UBA6: variants seen among roughly 807,000 people sequenced by gnomAD.
UBA6 encodes ubiquitin like modifier activating enzyme 6, also known as ubiquitin-like modifier-activating enzyme 6.
UBA6 carries 87 observed loss-of-function variants against 148.3 expected under a neutral mutation model. That is an observed-to-expected ratio of 0.59 (90% CI 0.49 to 0.70). The LOEUF is 0.70. Ranked by LOEUF, UBA6 falls within the 30% of genes least tolerant of loss-of-function variation. The pLI, the probability that UBA6 is intolerant of heterozygous loss-of-function variation, is 0.00. For synonymous variants in UBA6, 376 were observed against 401.0 expected, an observed-to-expected ratio of 0.94 and a Z score of 0.75; for missense variants, 1,186 against 1,241.2, an observed-to-expected ratio of 0.96 and a Z score of 0.67.
At chr4:67,677,311 T>C (rs548216925) in intron 6 of UBA6, among the ~76,000 whole-genome samples, 3 of 152,272 alleles carry the variant, frequency 2.0e-5, no homozygotes, top group Middle Eastern at 3.4e-3. Context: ...AAACCCCAAC[T>C]GACATATTCA....
Position 67,668,624 on chromosome 4 carries a change from C to A in UBA6, c.720G>T (p.Glu240Asp). Residue 240 changes from glutamate (E) to aspartate (D), a missense_variant, in exon 9 of 33, where the codon GAG (glutamate) becomes GAT (aspartate). Physicochemically the swap from Glu to Asp is conservative, Grantham distance 45. Coordinates refer to ENST00000322244, the MANE Select transcript of UBA6 (RefSeq NM_018227.6). ...CTCGAAATGTTAGGAATTGTCCTGTCTCCAGTTTGTGAGGATGATTTTCAA... is the reference window on the plus strand; with the variant it reads ...CTCGAAATGTTAGGAATTGTCCTGTATCCAGTTTGTGAGGATGATTTTCAA... Reference protein sequence around the residue: ...TCLENHPHKLETGQFLTFREI... With the variant: ...TCLENHPHKLDTGQFLTFREI... The A allele has an allele frequency of 6.2e-7, 1 of 1,613,226 alleles. No individual in the cohort carries two copies. Among genetic ancestry groups the A allele is most frequent in the Non-Finnish European group, 8.5e-7 (1 of 1,179,346 alleles).
At position 67,630,504 on chromosome 4, in the gene UBA6, G is replaced by T; in HGVS notation, c.2290C>A (p.Leu764Ile). Residue 764 changes from leucine to isoleucine, a missense_variant, in exon 26 of 33, where the codon CTA (leucine) becomes ATA (isoleucine). Physicochemically the swap from Leu to Ile is conservative, Grantham distance 5. Coordinates refer to ENST00000322244, the MANE Select transcript of UBA6 (RefSeq NM_018227.6). ...GGAATACAATATACTGTAGCATATA[G>T]TTTTGCAGCATTCTGAAGGAAACTG... ...HLSFLQNAAK[L>I]YATVYCIPFA... The T allele has an allele frequency of 6.3e-7, 1 of 1,588,040 alleles. No individual in the cohort carries two copies.
At position 67,625,050 on chromosome 4, in the gene UBA6, T is replaced by C. The variant is rs781473862; in HGVS notation, c.2656A>G (p.Ile886Val). The change falls in exon 29 of 33, where the codon ATA becomes GTA. Residue 886 changes from isoleucine to valine, a missense_variant. Coordinates refer to ENST00000322244, the MANE Select transcript of UBA6 (RefSeq NM_018227.6). Reference sequence around the variant, plus strand: ...ATAGCAGGTATAATTTTACCAGCTATGCGCTTTGTTTTGAAACGGTCAGCT... The same window carrying C: ...ATAGCAGGTATAATTTTACCAGCTACGCGCTTTGTTTTGAAACGGTCAGCT... Reference protein sequence around the residue: ...EPADRFKTKRIAGKIIPAIAT... With the variant: ...EPADRFKTKRVAGKIIPAIAT... The C allele has an allele frequency of 2.5e-6, 4 of 1,613,132 alleles. No individual in the cohort carries two copies. The highest frequency in any genetic ancestry group is 3.4e-6 in the Non-Finnish European group (4 of 1,179,266).
At chr4:67,671,887 G>A (rs1730157668) in intron 7 of UBA6, among the ~76,000 whole-genome samples, 1 of 151,976 alleles carries the variant, frequency 6.6e-6, no homozygotes, top group African/African-American at 2.4e-5. Flanking sequence ...ACCTAATTAT[G>A]CTGGAGGTTT....
chr4:67,700,931 G>T, intron 1 of UBA6, 118 bp downstream of exon 1: 1 of 1,279,008 alleles, frequency 7.8e-7, no homozygotes, highest in Non-Finnish European at 1.1e-6. Context: ...CCCAGGGCCG[G>T]CTCTGCTCGG....
chr4:67,665,735 GA>G (rs1463926706), intron 9 of UBA6, among the ~76,000 whole-genome samples: 4 of 151,410 alleles, frequency 2.6e-5, no homozygotes, highest in African/African-American at 9.7e-5. Context: ...AATCAGTAAT[GA>G]AAAGATAAGA....
At chr4:67,622,031 G>A (rs1185611271) in intron 32 of UBA6, among the ~76,000 whole-genome samples, 1 of 152,120 alleles carries the variant, frequency 6.6e-6, no homozygotes, top group African/African-American at 2.4e-5. Context: ...CAAGCAGAGG[G>A]AACAACTAAA....
At chr4:67,637,516 T>C (rs994466380) in intron 19 of UBA6, among the ~76,000 whole-genome samples, 3 of 152,170 alleles carry the variant, frequency 2.0e-5, no homozygotes, top group Admixed American at 6.5e-5. Flanking sequence ...GGGGAAAAGA[T>C]AGAGAAATCA....
chr4:67,689,124 G>C (rs1323434657), intron 2 of UBA6, among the ~76,000 whole-genome samples: 1 of 152,054 alleles, frequency 6.6e-6, no homozygotes, highest in Non-Finnish European at 1.5e-5. Context: ...AATTCTATGA[G>C]ATATTCAACA....
intron 7 of UBA6, among the ~76,000 whole-genome samples, chr4:67,671,061 G>T (rs935798123): frequency 2.0e-5 from 3 of 152,054 alleles, no homozygotes; most frequent in East Asian, 1.9e-4. Flanking sequence ...GAAAAAAAAG[G>T]CTGAAAAACT....
chr4:67,681,613 G>A, intron 3 of UBA6, 22 bp from the exon 4 acceptor site: 1 of 1,563,824 alleles, frequency 6.4e-7, no homozygotes, highest in South Asian at 1.2e-5. Flanking sequence ...AAAGAAAAAG[G>A]AATAGCTCAA....
intron 18 of UBA6, among the ~76,000 whole-genome samples, chr4:67,640,473 T>A (rs2109912117): frequency 6.6e-6 from 1 of 152,310 alleles, no homozygotes; most frequent in Non-Finnish European, 1.5e-5. Context: ...TTGTTTTAAT[T>A]TTTTTAAAAC....
intron 13 of UBA6, among the ~76,000 whole-genome samples, chr4:67,649,612 A>T (rs1729505177): frequency 6.6e-6 from 1 of 152,180 alleles, no homozygotes; most frequent in Non-Finnish European, 1.5e-5. Flanking sequence ...GAACTATGAT[A>T]AAGGAAAATA....
At chr4:67,637,484 A>C (rs1031231810) in intron 19 of UBA6, among the ~76,000 whole-genome samples, 2 of 151,854 alleles carry the variant, frequency 1.3e-5, no homozygotes, top group African/African-American at 4.8e-5. Flanking sequence ...GCGGTTTTGT[A>C]GAATAGAAAA....
At chr4:67,657,097 C>T (rs1344373950) in intron 13 of UBA6, among the ~76,000 whole-genome samples, 2 of 152,224 alleles carry the variant, frequency 1.3e-5, no homozygotes, top group East Asian at 3.9e-4. Flanking sequence ...ATTAAAACGC[C>T]CATACTGCCC....
At chr4:67,632,353 A>G (rs1342959971) in intron 23 of UBA6, among the ~76,000 whole-genome samples, 1 of 152,230 alleles carries the variant, frequency 6.6e-6, no homozygotes, top group African/African-American at 2.4e-5. Flanking sequence ...GGTAAGAATG[A>G]ACGGGAATGG....
chr4:67,675,538 C>A (rs1235251246), intron 6 of UBA6, among the ~76,000 whole-genome samples: 1 of 152,138 alleles, frequency 6.6e-6, no homozygotes, highest in Non-Finnish European at 1.5e-5. Flanking sequence ...CGAGACCAGC[C>A]TGGCCAACAT....
chr4:67,631,416 T>A (rs930708556), intron 25 of UBA6, among the ~76,000 whole-genome samples: 2 of 152,148 alleles, frequency 1.3e-5, no homozygotes, highest in South Asian at 4.1e-4. Context: ...AAAAACACAT[T>A]GTCATTTTAC....
chr4:67,678,515 T>C lies in UBA6; in HGVS notation c.277A>G (p.Thr93Ala), dbSNP rs528526482. The C allele has an allele frequency of 1.3e-6, 2 of 1,590,954 alleles. No individual in the cohort carries two copies. The highest frequency in any genetic ancestry group is 8.6e-7 in the Non-Finnish European group (1 of 1,166,518). ...AGIKAVTIHD[T>A]EKCQAWDLGT... ...AGATCCCATGCTTGGCATTTTTCTG[T>C]ATCATGAATTGTAACTGCCTTCAAA... is the stretch of plus-strand genomic sequence containing the variant. Residue 93 changes from threonine to alanine, a missense_variant, in exon 5 of 33, where the codon ACA becomes GCA. Transcript: ENST00000322244.
Sources: allele counts gnomAD v4.1 joint callset (sites outside exome capture counted in the v4.1 genomes callset), GRCh38; gene constraint gnomAD v4.1.1; transcripts MANE v1.5; gene names NCBI Gene and HGNC (gene_info 2026-07-23, HGNC 2026-07-21).